Variants in TEX9 observed in about 807,000 individuals in gnomAD.
The protein encoded by TEX9 is testis-expressed protein 9.
A neutral mutation model predicts 59.6 loss-of-function variants in TEX9; 74 were observed. That is an observed-to-expected ratio of 1.24 (90% CI 1.03 to 1.51). TEX9 has a LOEUF of 1.51. Among genes scored for constraint, TEX9 ranks in the 40% most tolerant of loss-of-function variants. The pLI is 0.00. For missense variants in TEX9, 522 were observed against 447.8 expected (o/e 1.17, Z -1.49); for synonymous variants, 186 against 152.2 (o/e 1.22, Z -1.64).
chr15:56,246,625 G>A (rs2043864362), intron 1 of TEX9, among the ~76,000 whole-genome samples: 1 of 152,188 alleles, frequency 6.6e-6, no homozygotes. Context: ...CAAGGACCCA[G>A]AATCAATGTG....
At chr15:56,249,467 G>C (rs1423351956) in intron 1 of TEX9, among the ~76,000 whole-genome samples, 1 of 139,872 alleles carries the variant, frequency 7.1e-6, no homozygotes, top group African/African-American at 2.6e-5. Context: ...GGGAGGGAGG[G>C]AAGAAAGGAG....
intron 1 of TEX9, among the ~76,000 whole-genome samples, chr15:56,331,552 C>T (rs1450068436): frequency 6.6e-6 from 1 of 151,938 alleles, no homozygotes; most frequent in Non-Finnish European, 1.5e-5. Context: ...TCCTGAATGA[C>T]AAGTAGGTCA....
chr15:56,428,934 A>G, intron 12 of TEX9: 2 of 546,888 alleles, frequency 3.7e-6, no homozygotes, highest in South Asian at 5.1e-5. Context: ...GCTTGATTAA[A>G]ATTAATTTGT....
intron 1 of TEX9, among the ~76,000 whole-genome samples, chr15:56,248,119 C>T (rs1489027048): frequency 6.6e-6 from 1 of 152,114 alleles, no homozygotes; most frequent in Admixed American, 6.5e-5. Flanking sequence ...ATTGAGCTTT[C>T]TTTCAGTCTT....
At chr15:56,361,847 C>T (rs2046795232), upstream of TEX9, among the ~76,000 whole-genome samples, 1 of 152,118 alleles carries the variant, frequency 6.6e-6, no homozygotes, top group Non-Finnish European at 1.5e-5. Context: ...AAGTGACAGC[C>T]ACCATAGAAG....
intron 1 of TEX9, among the ~76,000 whole-genome samples, chr15:56,343,780 C>G (rs2046415904): frequency 6.6e-6 from 1 of 151,938 alleles, no homozygotes. Flanking sequence ...ACTCCTACAA[C>G]CCAATAAATA....
At chr15:56,429,808 C>T (rs1198687230) in intron 12 of TEX9, 1 of 152,136 alleles carries the variant, frequency 6.6e-6, no homozygotes, top group Non-Finnish European at 1.5e-5. Context: ...TCATTTGGCA[C>T]CATTAGGACC....
chr15:56,332,801 G>A (rs1382213881), intron 1 of TEX9, among the ~76,000 whole-genome samples: 1 of 151,792 alleles, frequency 6.6e-6, no homozygotes, highest in African/African-American at 2.4e-5. Context: ...AAAGGGAGAA[G>A]ATCTAAATAA....
chr15:56,389,769 A>G (rs1330251250), intron 6 of TEX9, among the ~76,000 whole-genome samples: 1 of 151,924 alleles, frequency 6.6e-6, no homozygotes, highest in Non-Finnish European at 1.5e-5. Flanking sequence ...GACAAAATGC[A>G]TATATTATTT....
At chr15:56,339,404 A>AAAAAAC in intron 1 of TEX9, among the ~76,000 whole-genome samples, 1 of 138,688 alleles carries the variant, frequency 7.2e-6, no homozygotes, top group East Asian at 2.1e-4. Flanking sequence ...AAAAAAAAAA[A>AAAAAAC]AAAAAAAAAA....
chr15:56,438,826 C>T lies in TEX9; in HGVS notation c.*30-6845C>T, dbSNP rs137994063. 5.8e-3 allele frequency among the ~76,000 whole-genome samples: 881 copies of T among 152,156 alleles called. 6 individuals are homozygous for T. The highest frequency in any genetic ancestry group is 8.6e-3 in the Non-Finnish European group (582 of 67,978). ...TCAAACAACCCCATCAAAAAGTGGGCGAAGGATATGAATAGACACTTCTCA... is the reference window on the plus strand; with the variant it reads ...TCAAACAACCCCATCAAAAAGTGGGTGAAGGATATGAATAGACACTTCTCA... On this transcript the variant is annotated intron_variant, in intron 12 of 12. Coordinates refer to ENST00000352903, the Ensembl canonical transcript of TEX9.
chr15:56,258,610 T>A (rs1218039836), intron 1 of TEX9, among the ~76,000 whole-genome samples: 1 of 152,096 alleles, frequency 6.6e-6, no homozygotes, highest in Non-Finnish European at 1.5e-5. Context: ...TGTTTAGGAA[T>A]GCTAGCGATT....
intron 1 of TEX9, among the ~76,000 whole-genome samples, chr15:56,352,858 C>G (rs1444401253): frequency 6.6e-6 from 1 of 152,150 alleles, no homozygotes; most frequent in Admixed American, 6.5e-5. Context: ...GAAAATTGAG[C>G]TCTGATACAT....
chr15:56,458,725 G>C, the TEX9 span, among the ~76,000 whole-genome samples: 1 of 152,034 alleles, frequency 6.6e-6, no homozygotes, highest in Non-Finnish European at 1.5e-5. Context: ...TTTTGGACTG[G>C]CTTCTTTCAC....
intron 1 of TEX9, among the ~76,000 whole-genome samples, chr15:56,267,322 T>G (rs2044410185): frequency 6.6e-6 from 1 of 152,242 alleles, no homozygotes; most frequent in Non-Finnish European, 1.5e-5. Context: ...GCAGAAGCTC[T>G]TTAGTTTAAT....
the TEX9 span, among the ~76,000 whole-genome samples, chr15:56,455,240 G>A: frequency 5.8e-5 from 6 of 102,750 alleles, no homozygotes; most frequent in East Asian, 3.2e-4. Context: ...ATAGTTCATC[G>A]TCAGGTGAAA....
chr15:56,299,053 A>C (rs2045281035), intron 1 of TEX9, among the ~76,000 whole-genome samples: 1 of 152,216 alleles, frequency 6.6e-6, no homozygotes, highest in African/African-American at 2.4e-5. Flanking sequence ...GCACCTTCAT[A>C]AGAGCCAAAA....
chr15:56,387,443 C>CT (rs1471988980), intron 4 of TEX9, among the ~76,000 whole-genome samples: 7 of 151,750 alleles, frequency 4.6e-5, no homozygotes, highest in African/African-American at 7.3e-5. Context: ...TTTTGAAAGC[C>CT]TTTTTTTCTT....
At chr15:56,401,638 C>G (rs1251753873) in intron 9 of TEX9, among the ~76,000 whole-genome samples, 1 of 152,146 alleles carries the variant, frequency 6.6e-6, no homozygotes, top group African/African-American at 2.4e-5. Context: ...ACAAAGCAGA[C>G]CTTATAGACA....
Sources: allele counts gnomAD v4.1 joint callset (sites outside exome capture counted in the v4.1 genomes callset), GRCh38; gene constraint gnomAD v4.1.1; transcripts MANE v1.5; gene names NCBI Gene and HGNC (gene_info 2026-07-23, HGNC 2026-07-21).